DIS3L2: variants seen among roughly 807,000 people sequenced by gnomAD.
The protein encoded by DIS3L2 is DIS3 like 3'-5' exoribonuclease 2, also known as DIS3-like exonuclease 2.
Under a neutral mutation model 97.5 loss-of-function variants are expected in DIS3L2, and 34 were observed. That is an observed-to-expected ratio of 0.35 (90% CI 0.27 to 0.46). The LOEUF is 0.46. Among genes scored for constraint, DIS3L2 ranks in the 20% least tolerant of loss-of-function variants. DIS3L2 has a pLI of 1.00. For synonymous variants in DIS3L2, 435 were observed against 445.2 expected (o/e 0.98, Z 0.29); for missense variants, 1,038 against 1,146.0 (o/e 0.91, Z 1.36).
chr2:232,109,102 G>C (rs1697445470), intron 6 of DIS3L2, among the ~76,000 whole-genome samples: 1 of 152,084 alleles, frequency 6.6e-6, no homozygotes, highest in African/African-American at 2.4e-5. Context: ...TAGCCAAGGC[G>C]ATCCCAAGCA....
At chr2:232,343,133 C>T in intron 13 of DIS3L2, 1 of 559,478 alleles carries the variant, frequency 1.8e-6, no homozygotes. Context: ...TAACTGAAGG[C>T]CCCCTCAACC....
At chr2:232,311,527 C>T (rs1194573628) in intron 14 of DIS3L2, among the ~76,000 whole-genome samples, 1 of 152,118 alleles carries the variant, frequency 6.6e-6, no homozygotes, top group Non-Finnish European at 1.5e-5. Context: ...AGGGGTATGA[C>T]ACCAGCCCGG....
chr2:232,113,889 C>G (rs1422775703), intron 6 of DIS3L2, among the ~76,000 whole-genome samples: 3 of 135,010 alleles, frequency 2.2e-5, no homozygotes, highest in African/African-American at 8.5e-5. Flanking sequence ...AGGAGTCATG[C>G]AGCTGGAGCT....
At chr2:232,275,683 T>G (rs1694122306) in intron 13 of DIS3L2, among the ~76,000 whole-genome samples, 1 of 152,260 alleles carries the variant, frequency 6.6e-6, no homozygotes, top group South Asian at 2.1e-4. Flanking sequence ...AACTTTAAAA[T>G]ATTCCTTTTG....
chr2:232,183,783 G>A (rs1691357961), intron 9 of DIS3L2, among the ~76,000 whole-genome samples: 1 of 152,202 alleles, frequency 6.6e-6, no homozygotes, highest in Admixed American at 6.5e-5. Context: ...GCTGTTTGCA[G>A]TGAACAAGGT....
intron 14 of DIS3L2, among the ~76,000 whole-genome samples, chr2:232,307,062 C>G (rs779569987): frequency 2.0e-5 from 3 of 152,282 alleles, no homozygotes; most frequent in Non-Finnish European, 2.9e-5. Flanking sequence ...ACCACCAAAG[C>G]TGGGTCAGAT....
At chr2:231,988,666 A>G (rs963566319) in intron 1 of DIS3L2, among the ~76,000 whole-genome samples, 4 of 152,176 alleles carry the variant, frequency 2.6e-5, no homozygotes, top group African/African-American at 9.7e-5. Flanking sequence ...GGTTCTTAGC[A>G]AGGCCTTACC....
chr2:232,255,896 GT>G (rs1693548859), intron 12 of DIS3L2, among the ~76,000 whole-genome samples: 1 of 152,184 alleles, frequency 6.6e-6, no homozygotes, highest in South Asian at 2.1e-4. Flanking sequence ...GTCTGCCAGT[GT>G]GTCATCGCTG....
intron 8 of DIS3L2, among the ~76,000 whole-genome samples, chr2:232,155,950 C>T (rs113859825): frequency 6.6e-6 from 1 of 151,632 alleles, no homozygotes; most frequent in Non-Finnish European, 1.5e-5. Context: ...AGATCGCGCC[C>T]CTGCACTCCA....
intron 16 of DIS3L2, among the ~76,000 whole-genome samples, chr2:232,330,982 G>C (rs1018822150): frequency 6.6e-6 from 1 of 152,356 alleles, no homozygotes; most frequent in East Asian, 1.9e-4. Flanking sequence ...TGAGCCTCTT[G>C]AGTTTGAGCC....
In DIS3L2 at chr2:232,314,644, C is replaced by T. The variant is rs574871575; in HGVS notation, c.1739+14525C>T. 1.5e-4 allele frequency among the ~76,000 whole-genome samples: 23 copies of T among 152,294 alleles called. 1 individual carries two copies. Among genetic ancestry groups the T allele is most frequent in the Admixed American group, 6.5e-5 (1 of 15,294 alleles). ...CTTAAAGAGTAAATGTTTTCATTGT[C>T]GATTTAACATAGAGTTACATTAAGC... On this transcript the variant is annotated intron_variant, in intron 14 of 20. Transcript: ENST00000325385.
At chr2:232,042,907 G>A (rs573840833) in intron 5 of DIS3L2, among the ~76,000 whole-genome samples, 2 of 152,348 alleles carry the variant, frequency 1.3e-5, no homozygotes, top group Admixed American at 6.5e-5. Flanking sequence ...AAGTGCTTGA[G>A]AGATGTCAGG....
intron 5 of DIS3L2, among the ~76,000 whole-genome samples, chr2:232,033,227 T>C (rs1031094400): frequency 6.6e-6 from 1 of 152,202 alleles, no homozygotes; most frequent in African/African-American, 2.4e-5. Context: ...AGGTACTTTA[T>C]TCTCTTTGTA....
At chr2:232,052,422 A>G (rs1239990924) in intron 5 of DIS3L2, among the ~76,000 whole-genome samples, 2 of 152,206 alleles carry the variant, frequency 1.3e-5, no homozygotes, top group African/African-American at 4.8e-5. Context: ...TCTCAAATAC[A>G]GTAGTTTAAC....
In DIS3L2 at chr2:232,249,313, C is replaced by T. The variant is rs769048554; in HGVS notation, c.1392C>T (p.Phe464=). The T allele has an allele frequency of 1.2e-6, 2 of 1,614,266 alleles. No homozygotes were observed. Among genetic ancestry groups the T allele is most frequent in the Non-Finnish European group, 1.7e-6 (2 of 1,180,044 alleles). Residue 464 remains phenylalanine, a synonymous_variant, in exon 12 of 21, where the codon TTC becomes TTT. Coordinates refer to ENST00000325385, the MANE Select transcript of DIS3L2 (RefSeq NM_152383.5). ...SLNPMSDKLT[F]SVIWTLTPEG... ...ACCCCATGTCCGACAAGCTGACCTT[C>T]TCTGTGATCTGGACACTGACTCCAG...
intron 1 of DIS3L2, among the ~76,000 whole-genome samples, chr2:231,986,401 C>T (rs570630475): frequency 2.0e-5 from 3 of 152,294 alleles, no homozygotes; most frequent in African/African-American, 7.2e-5. Context: ...TTTGATATAG[C>T]TTTTATCAGA....
chr2:232,031,043 TTGAG>T (rs1011255273), intron 5 of DIS3L2, among the ~76,000 whole-genome samples: 19 of 152,316 alleles, frequency 1.2e-4, no homozygotes, highest in African/African-American at 4.3e-4. Context: ...CTCTATAACT[TTGAG>T]TGAATTGTAC....
Position 232,337,069 on chromosome 2 carries a change from G to T in DIS3L2, c.*439G>T, listed in dbSNP as rs1695983397. ...CCCAGTTCAGGCTTCACCCCTCGCT[G>T]CTGAGCCGATGTCAACACCTGGAAC... On this transcript the variant is annotated 3_prime_UTR_variant, in exon 21 of 21. Transcript: ENST00000325385. 20 of 1,036,188 alleles carry T rather than the reference G, an allele frequency of 1.9e-5. No homozygotes were observed. In the South Asian group the frequency reaches 7.0e-4, roughly 36 times the overall value. 64.2% of individuals were successfully genotyped at this position (1,036,188 alleles called of 1,614,324 possible).
chr2:232,012,887 A>C (rs1332219730), intron 1 of DIS3L2, among the ~76,000 whole-genome samples: 1 of 152,038 alleles, frequency 6.6e-6, no homozygotes, highest in African/African-American at 2.4e-5. Context: ...CCATTCTTGA[A>C]CACTCCGTGT....
Sources: gnomAD v4.1 joint callset for allele counts (sites outside exome capture counted in the v4.1 genomes callset) on GRCh38, gnomAD v4.1.1 for gene constraint, MANE v1.5 for transcripts, NCBI Gene and HGNC (gene_info 2026-07-23, HGNC 2026-07-21) for gene names.